CFAP61: variants seen among roughly 807,000 people sequenced by gnomAD.
CFAP61 encodes the protein cilia- and flagella-associated protein 61.
CFAP61 carries 107 observed loss-of-function variants against 135.6 expected under a neutral mutation model. That is an observed-to-expected ratio of 0.79 (90% confidence interval 0.67 to 0.93). The LOEUF is 0.93. CFAP61 is among the 40% of genes least tolerant of loss of function. The pLI, the probability that CFAP61 is intolerant of heterozygous loss-of-function variation, is 0.00. For missense variants in CFAP61, 1,507 were observed against 1,556.2 expected (o/e 0.97, Z 0.53); for synonymous variants, 575 against 578.5 (o/e 0.99, Z 0.09).
intron 2 of CFAP61, 30 bp downstream of exon 2, chr20:20,056,826 C>A: frequency 6.2e-7 from 1 of 1,610,516 alleles, no homozygotes; most frequent in Non-Finnish European, 8.5e-7. Context: ...CAAGAATGTT[C>A]ATCAATTTTG....
At position 20,199,873 on chromosome 20, in the gene CFAP61, G is replaced by A. The variant is rs1457521371; in HGVS notation, c.1903G>A (p.Ala635Thr). 5 of 1,614,110 alleles carry A rather than the reference G, an allele frequency of 3.1e-6. No individual in the cohort carries two copies. The highest frequency in any genetic ancestry group is 2.7e-5 in the African/African-American group (2 of 75,050). The change falls in exon 17 of 27, where the codon GCT (alanine) becomes ACT (threonine). Residue 635 changes from alanine to threonine, a missense_variant. By Grantham distance (58) the Ala-to-Thr change is moderately conservative. Coordinates refer to ENST00000245957, the MANE Select transcript of CFAP61 (RefSeq NM_015585.4). The stretch of plus-strand genomic sequence containing the variant: ...TCCTCTGGAAAAGCTTGGCATAAAC[G>A]CTCCATCAAAGGCGGTCTCCAAGGA... ...VYPLEKLGIN[A>T]PSKAVSKDPM...
chr20:20,147,705 G>T (rs6112786), intron 9 of CFAP61, among the ~76,000 whole-genome samples: 19,461 of 152,110 alleles, frequency 0.13, 1,426 homozygotes, highest in Non-Finnish European at 0.15. Context: ...TGTTTACTTT[G>T]CTGATTATTT....
intron 22 of CFAP61, among the ~76,000 whole-genome samples, chr20:20,286,446 G>T (rs1377779228): frequency 6.6e-6 from 1 of 152,242 alleles, no homozygotes; most frequent in African/African-American, 2.4e-5. Context: ...CCTGGGACAA[G>T]AAGTGTTTGT....
intron 17 of CFAP61, among the ~76,000 whole-genome samples, chr20:20,227,309 G>A (rs2048808308): frequency 6.6e-6 from 1 of 152,228 alleles, no homozygotes; most frequent in South Asian, 2.1e-4. Flanking sequence ...CATGGGATGA[G>A]GTGATAAGAA....
At chr20:20,260,794 T>C (rs1022163611) in intron 20 of CFAP61, among the ~76,000 whole-genome samples, 4 of 152,216 alleles carry the variant, frequency 2.6e-5, no homozygotes, top group Non-Finnish European at 5.9e-5. Flanking sequence ...GCCAAGGCTT[T>C]TTCACTTGTT....
rs1212531546 is a variant in CFAP61, at chr20:20,056,710, A to G, written c.57A>G (p.Thr19=). The G allele has an allele frequency of 1.2e-6, 2 of 1,614,052 alleles. No individual in the cohort carries two copies. The highest frequency in any genetic ancestry group is 1.7e-5 in the Admixed American group (1 of 60,010). The part of the protein sequence containing the change: ...GKVEVVHCRR[T]ESQDVYCIKS... ...TAGAAGTTGTTCATTGCCGAAGAAC[A>G]GAATCACAGGATGTTTATTGTATCA... The change falls in exon 2 of 27, where the codon ACA becomes ACG. Residue 19 remains threonine (T), a synonymous_variant. Transcript: ENST00000245957.
At chr20:20,160,852 G>C (rs2053336559) in intron 10 of CFAP61, among the ~76,000 whole-genome samples, 1 of 152,206 alleles carries the variant, frequency 6.6e-6, no homozygotes. Flanking sequence ...CCATCAGCCA[G>C]TGACTGAAGG....
intron 20 of CFAP61, among the ~76,000 whole-genome samples, chr20:20,259,103 A>G (rs2051924994): frequency 6.6e-6 from 1 of 152,164 alleles, no homozygotes; most frequent in African/African-American, 2.4e-5. Flanking sequence ...AGAGCTTTGT[A>G]TTTACAGCTA....
intron 15 of CFAP61, among the ~76,000 whole-genome samples, 171 bp from the exon 16 acceptor site, chr20:20,196,399 C>T (rs564166748): frequency 2.6e-5 from 4 of 152,234 alleles, no homozygotes; most frequent in South Asian, 2.1e-4. Flanking sequence ...ACTCAGGAAA[C>T]GTAATTTCTA....
At position 20,301,241 on chromosome 20, in the gene CFAP61, C is replaced by A. The variant is rs565530361; in HGVS notation, c.3422+2855C>A. ...CTTTTATGCCATATTTTTACTGTAC[C>A]TTTTCTATGTTTAGATACACCAACA... is the stretch of plus-strand genomic sequence containing the variant. On this transcript the variant is annotated intron_variant, in intron 25 of 26. Transcript: ENST00000245957. Among the ~76,000 whole-genome samples the A allele has an allele frequency of 3.3e-5, 5 of 152,096 alleles. No homozygotes were observed. The South Asian group carries it at 1.0e-3, about 32-fold the overall frequency.
intron 17 of CFAP61, among the ~76,000 whole-genome samples, chr20:20,212,132 G>A (rs1188256687): frequency 4.6e-5 from 7 of 152,194 alleles, no homozygotes; most frequent in African/African-American, 7.2e-5. Flanking sequence ...GTAGGACCGA[G>A]GCTGGCAGGC....
chr20:20,253,138 T>C (rs2051101660), intron 20 of CFAP61, among the ~76,000 whole-genome samples: 1 of 139,382 alleles, frequency 7.2e-6, no homozygotes, highest in South Asian at 2.5e-4. Context: ...GAGCCTGAGA[T>C]GCTACATTTT....
chr20:20,171,376 G>A (rs2054208516), intron 13 of CFAP61, among the ~76,000 whole-genome samples: 1 of 152,178 alleles, frequency 6.6e-6, no homozygotes, highest in South Asian at 2.1e-4. Flanking sequence ...CCATTCCATA[G>A]AGCAAGGGTT....
intron 21 of CFAP61, among the ~76,000 whole-genome samples, chr20:20,264,151 C>T (rs140325237): frequency 7.9e-5 from 12 of 152,216 alleles, no homozygotes; most frequent in African/African-American, 2.4e-4. Flanking sequence ...GCATTCAGTG[C>T]GTTGCTGGAT....
chr20:20,236,883 T>C (rs2049633419), intron 18 of CFAP61, among the ~76,000 whole-genome samples: 2 of 152,240 alleles, frequency 1.3e-5, no homozygotes, highest in African/African-American at 2.4e-5. Flanking sequence ...AGCTACCATC[T>C]TGGTATTTAC....
chr20:20,152,389 G>A (rs2052525740), intron 9 of CFAP61, among the ~76,000 whole-genome samples: 1 of 151,592 alleles, frequency 6.6e-6, no homozygotes, highest in African/African-American at 2.4e-5. Flanking sequence ...AACATTGAAT[G>A]TAAATGGTGT....
chr20:20,342,408 C>T (rs1251332018), intron 26 of CFAP61, among the ~76,000 whole-genome samples: 1 of 152,206 alleles, frequency 6.6e-6, no homozygotes, highest in East Asian at 1.9e-4. Context: ...CATTAGGCTG[C>T]GTAGCCCAAG....
chr20:20,245,919 T>A (rs1245471263), intron 18 of CFAP61, among the ~76,000 whole-genome samples, 198 bp from the exon 19 acceptor site: 1 of 152,234 alleles, frequency 6.6e-6, no homozygotes, highest in Non-Finnish European at 1.5e-5. Context: ...GAAGATTCTA[T>A]AGTTAGCAGC....
At chr20:20,236,742 C>T (rs962589326) in intron 18 of CFAP61, among the ~76,000 whole-genome samples, 6 of 152,200 alleles carry the variant, frequency 3.9e-5, no homozygotes, top group Admixed American at 1.3e-4. Context: ...TCATCCTCCC[C>T]AACCAGAAGT....
Sources: gnomAD v4.1 joint callset for allele counts (sites outside exome capture counted in the v4.1 genomes callset) on GRCh38, gnomAD v4.1.1 for gene constraint, MANE v1.5 for transcripts, NCBI Gene and HGNC (gene_info 2026-07-23, HGNC 2026-07-21) for gene names.